The following MGAT5B variants were observed in gnomAD, a reference collection of about 807,000 sequenced individuals.
MGAT5B encodes N-acetylglucosaminyl-transferase Vb.
Under a neutral mutation model 95.1 loss-of-function variants are expected in MGAT5B, and 54 were observed. The ratio of observed to expected loss-of-function variants is 0.57; its 90% CI spans 0.46 to 0.71. MGAT5B has a LOEUF of 0.71. Ranked by LOEUF, MGAT5B falls within the 30% of genes least tolerant of loss-of-function variation. The probability of loss-of-function intolerance (pLI) is 0.00; values close to 1 mark genes in which losing one functional copy is unlikely to be tolerated. For synonymous variants in MGAT5B, 464 were observed against 451.0 expected, an observed-to-expected ratio of 1.03 and a Z score of -0.36; for missense variants, 935 against 1,088.6, an observed-to-expected ratio of 0.86 and a Z score of 1.99.
intron 10 of MGAT5B, among the ~76,000 whole-genome samples, chr17:76,927,213 G>A (rs541365793): frequency 4.6e-5 from 7 of 152,052 alleles, no homozygotes; most frequent in South Asian, 2.1e-4. Flanking sequence ...GGCAAGGAAC[G>A]TGAGTGGAGC....
At chr17:76,903,252 C>G in intron 4 of MGAT5B, 51 bp from the exon 5 acceptor site, 9 of 1,492,696 alleles carry the variant, frequency 6.0e-6, no homozygotes, top group Non-Finnish European at 2.8e-6. Context: ...GCCTCCCTCC[C>G]TGGGCTCCTC....
chr17:76,875,899 A>G (rs1967172015), intron 2 of MGAT5B, among the ~76,000 whole-genome samples: 1 of 152,000 alleles, frequency 6.6e-6, no homozygotes. Context: ...AAGTTTATCC[A>G]AGCCAGTCTT....
Position 76,949,771 on chromosome 17 carries a change from C to T in MGAT5B, c.*933C>T, listed in dbSNP as rs1193967999. 3 of 152,322 alleles carry T rather than the reference C, an allele frequency of 2.0e-5. No individual in the cohort carries two copies. The highest frequency in any genetic ancestry group is 1.5e-5 in the Non-Finnish European group (1 of 68,074). 9.4% of individuals were successfully genotyped at this position (152,322 alleles called of 1,614,324 possible). A position where few individuals can be genotyped will look rare whatever the true frequency, so the allele number is the denominator to read the frequency against. On this transcript the variant is annotated 3_prime_UTR_variant, in exon 18 of 18. Coordinates refer to ENST00000569840, the MANE Select transcript of MGAT5B (RefSeq NM_001199172.2). ...GTGGCCTTCATGCACTAGCCACTTCCGCAGGTGCTGACTCCCGCACTCCCT... is the reference window on the plus strand; with the variant it reads ...GTGGCCTTCATGCACTAGCCACTTCTGCAGGTGCTGACTCCCGCACTCCCT...
At chr17:76,881,314 G>A (rs570779663) in intron 2 of MGAT5B, among the ~76,000 whole-genome samples, 1 of 152,332 alleles carries the variant, frequency 6.6e-6, no homozygotes, top group East Asian at 1.9e-4. Flanking sequence ...CAGGCTGGGA[G>A]CAGAGGGAAG....
intron 3 of MGAT5B, among the ~76,000 whole-genome samples, chr17:76,899,600 G>C (rs910170705): frequency 1.7e-4 from 26 of 152,172 alleles, no homozygotes; most frequent in Non-Finnish European, 3.5e-4. Flanking sequence ...TTGCGCCACT[G>C]CACTCCAGCC....
chr17:76,895,689 C>T lies in MGAT5B; in HGVS notation c.330-6866C>T, dbSNP rs901945926. Among the ~76,000 whole-genome samples the T allele has an allele frequency of 3.3e-5, 5 of 152,040 alleles. No individual in the cohort carries two copies. The South Asian group carries it at 6.2e-4, about 19-fold the overall frequency. ...AACACCAGTCATATTGGATGAGAGA[C>T]CCACTTCACTCCAGTATGACCTCAT... On this transcript the variant is annotated intron_variant, in intron 3 of 17. Coordinates refer to ENST00000569840, the MANE Select transcript of MGAT5B (RefSeq NM_001199172.2).
intron 6 of MGAT5B, among the ~76,000 whole-genome samples, chr17:76,904,642 G>T (rs896217748): frequency 2.6e-5 from 4 of 152,246 alleles, no homozygotes; most frequent in African/African-American, 9.6e-5. Context: ...TGCAGGGCAG[G>T]TGGGGGGCCT....
At chr17:76,931,212 T>C (rs889243030) in intron 10 of MGAT5B, among the ~76,000 whole-genome samples, 13 of 152,200 alleles carry the variant, frequency 8.5e-5, no homozygotes, top group African/African-American at 3.1e-4. Context: ...TTCTCATGCC[T>C]CAGTCTCCTG....
intron 4 of MGAT5B, 57 bp downstream of exon 4, chr17:76,902,727 C>T: frequency 2.9e-6 from 2 of 683,754 alleles, no homozygotes; most frequent in South Asian, 3.1e-5. Flanking sequence ...GAACTGGGTG[C>T]TGGGTGGGCC....
chr17:76,931,157 C>A (rs12709282), intron 10 of MGAT5B, among the ~76,000 whole-genome samples: 1 of 152,078 alleles, frequency 6.6e-6, no homozygotes, highest in African/African-American at 2.4e-5. Flanking sequence ...AGTGTAGTGG[C>A]GTGATCTCAG....
rs1019628834 is a variant in MGAT5B, at chr17:76,918,089, G to A, written c.1026-6877G>A. On this transcript the variant is annotated intron_variant, in intron 8 of 17. Coordinates refer to ENST00000569840, the MANE Select transcript of MGAT5B (RefSeq NM_001199172.2). This position sits in a 1 kb window ranked among gnomAD's most constrained non-coding sequence, Gnocchi z 5.1. ...CTGAGTTTGCTTGCTAGGAAAGAAC[G>A]CTGGGGAAGAAAGTGCCAGCTTTGG... Among the ~76,000 whole-genome samples the A allele has an allele frequency of 6.6e-6, 1 of 152,166 alleles. No homozygotes were observed. The highest frequency in any genetic ancestry group is 2.4e-5 in the African/African-American group (1 of 41,440).
Position 76,938,971 on chromosome 17 carries a change from A to G in MGAT5B, c.1584+828A>G, listed in dbSNP as rs1969763063. 6.7e-6 allele frequency among the ~76,000 whole-genome samples: 1 copy of G among 149,246 alleles called. No individual in the cohort carries two copies. The highest frequency in any genetic ancestry group is 1.5e-5 in the Non-Finnish European group (1 of 67,520). Reference sequence around the variant, plus strand: ...TGGGATTACAGATGTGAGCCACTGCACCTGGCCCCAGGCCCTCTCTTGATC... The same window carrying G: ...TGGGATTACAGATGTGAGCCACTGCGCCTGGCCCCAGGCCCTCTCTTGATC... On this transcript the variant is annotated intron_variant, in intron 13 of 17. Transcript: ENST00000569840. This position sits in a 1 kb window ranked among gnomAD's most constrained non-coding sequence, Gnocchi z 4.3.
chr17:76,888,004 G>C (rs1257993506), intron 3 of MGAT5B, among the ~76,000 whole-genome samples: 2 of 152,054 alleles, frequency 1.3e-5, no homozygotes, highest in Admixed American at 6.6e-5. Flanking sequence ...GGCTCCTCCT[G>C]CTGGTTCTGC....
In MGAT5B at chr17:76,869,190, A is replaced by C. The variant is rs1966902501; in HGVS notation, c.68+93A>C. On this transcript the variant is annotated intron_variant, in intron 1 of 17. Coordinates refer to ENST00000569840, the MANE Select transcript of MGAT5B (RefSeq NM_001199172.2). This position sits in a 1 kb window ranked among gnomAD's most constrained non-coding sequence, Gnocchi z 7.0. ...CTGCGAACGTTCAAGTCCTGGTGGC[A>C]GAGGGGGCGGTTCACACTTCAACCC... 8.9e-7 allele frequency: 1 copy of C among 1,127,966 alleles called. No homozygotes were observed. Among genetic ancestry groups the C allele is most frequent in the African/African-American group, 1.5e-5 (1 of 64,560 alleles). 69.9% of individuals were successfully genotyped at this position (1,127,966 alleles called of 1,614,324 possible). A position where few individuals can be genotyped will look rare whatever the true frequency, so the allele number is the denominator to read the frequency against.
At position 76,889,618 on chromosome 17, in the gene MGAT5B, G is replaced by A. The variant is rs1967794841; in HGVS notation, c.329+7320G>A. On this transcript the variant is annotated intron_variant, in intron 3 of 17. Coordinates refer to ENST00000569840, the MANE Select transcript of MGAT5B (RefSeq NM_001199172.2). This position sits in a 1 kb window ranked among gnomAD's most constrained non-coding sequence, Gnocchi z 4.4. ...TTCCAACAGACTTTGCTGCAGAGCTGGCTGAAGTAATAATTATTAATCATC... is the reference window on the plus strand; with the variant it reads ...TTCCAACAGACTTTGCTGCAGAGCTAGCTGAAGTAATAATTATTAATCATC... Among the ~76,000 whole-genome samples, 2 of 152,188 alleles carry A rather than the reference G, an allele frequency of 1.3e-5. No individual in the cohort carries two copies. Among genetic ancestry groups the A allele is most frequent in the Admixed American group, 1.3e-4 (2 of 15,278 alleles).
chr17:76,882,471 G>T, intron 3 of MGAT5B, 173 bp downstream of exon 3: 1 of 751,486 alleles, frequency 1.3e-6, no homozygotes, highest in East Asian at 3.2e-5. Context: ...TTAACATTTG[G>T]TCACATTTGT....
chr17:76,905,167 A>C lies in MGAT5B; in HGVS notation c.691-2A>C, dbSNP rs758427799. 6.2e-7 allele frequency: 1 copy of C among 1,608,764 alleles called. No homozygotes were observed. The stretch of plus-strand genomic sequence containing the variant: ...AGAGAGCTGAGGTCTGGACCCCTCC[A>C]GGCAGTTTTCCGAAGCAACCTGTCC... On this transcript the variant is annotated splice_acceptor_variant, in intron 6 of 17. Coordinates refer to ENST00000569840, the MANE Select transcript of MGAT5B (RefSeq NM_001199172.2). LOFTEE classifies it high-confidence loss of function. The surrounding 1 kb of genome is among the most constrained non-coding windows in gnomAD (Gnocchi z 4.2).
At chr17:76,873,438 C>A (rs1967075820) in intron 2 of MGAT5B, among the ~76,000 whole-genome samples, 1 of 152,234 alleles carries the variant, frequency 6.6e-6, no homozygotes, top group Non-Finnish European at 1.5e-5. Flanking sequence ...ATTTGCAAGG[C>A]AGTGGAATGG....
chr17:76,938,230 C>T lies in MGAT5B; in HGVS notation c.1584+87C>T. ...CCATGCCTGCCACCACCACTCAGGC[C>T]CCTTCCACATATGGACATACCCCAG... is the stretch of plus-strand genomic sequence containing the variant. On this transcript the variant is annotated intron_variant, in intron 13 of 17. Coordinates refer to ENST00000569840, the MANE Select transcript of MGAT5B (RefSeq NM_001199172.2). This position sits in a 1 kb window ranked among gnomAD's most constrained non-coding sequence, Gnocchi z 4.3. 1 of 1,508,212 alleles carries T rather than the reference C, an allele frequency of 6.6e-7. No individual in the cohort carries two copies. Among genetic ancestry groups the T allele is most frequent in the Non-Finnish European group, 9.1e-7 (1 of 1,102,328 alleles). 93.4% of individuals were successfully genotyped at this position (1,508,212 alleles called of 1,614,324 possible). A position where few individuals can be genotyped will look rare whatever the true frequency, so the allele number is the denominator to read the frequency against.
Sources: gnomAD v4.1 joint callset for allele counts (sites outside exome capture counted in the v4.1 genomes callset) on GRCh38, gnomAD v4.1.1 for gene constraint, Gnocchi (gnomAD v3.1) non-coding constraint, MANE v1.5 for transcripts, NCBI Gene and HGNC (gene_info 2026-07-23, HGNC 2026-07-21) for gene names.